The following IMMP2L variants were observed in gnomAD, a reference collection of about 807,000 sequenced individuals.
IMMP2L encodes the protein mitochondrial inner membrane protease subunit 2.
IMMP2L carries 18 observed loss-of-function variants against 19.3 expected under a neutral mutation model. The observed-to-expected ratio is 0.93, with a 90% CI of 0.64 to 1.38. The LOEUF (loss-of-function observed/expected upper bound fraction) is 1.38, where lower values mean the gene tolerates loss of function less well. Among genes scored for constraint, IMMP2L ranks in the 40% most tolerant of loss-of-function variants. The pLI, the probability that IMMP2L is intolerant of heterozygous loss-of-function variation, is 0.00. For missense variants in IMMP2L, 233 were observed against 218.2 expected (o/e 1.07, Z -0.43); for synonymous variants, 76 against 73.0 (o/e 1.04, Z -0.21).
intron 3 of IMMP2L, among the ~76,000 whole-genome samples, chr7:111,445,531 G>T (rs560943261): frequency 6.6e-6 from 1 of 152,046 alleles, no homozygotes; most frequent in Middle Eastern, 3.2e-3. Flanking sequence ...TGAGAATAAC[G>T]AAACTTTAAA....
At chr7:111,477,972 T>C (rs916695450) in intron 3 of IMMP2L, among the ~76,000 whole-genome samples, 2 of 152,268 alleles carry the variant, frequency 1.3e-5, no homozygotes, top group African/African-American at 2.4e-5. Flanking sequence ...TGTGCTTTCA[T>C]TGTATTTATT....
At chr7:111,253,212 T>C (rs1816336587) in intron 3 of IMMP2L, among the ~76,000 whole-genome samples, 1 of 152,164 alleles carries the variant, frequency 6.6e-6, no homozygotes, top group Non-Finnish European at 1.5e-5. Flanking sequence ...AAACACAAAC[T>C]ACTAAAACTT....
intron 3 of IMMP2L, among the ~76,000 whole-genome samples, chr7:111,034,009 A>G (rs1406334397): frequency 6.6e-6 from 1 of 152,238 alleles, no homozygotes; most frequent in Non-Finnish European, 1.5e-5. Flanking sequence ...TGGGAGAAGA[A>G]TAACTGCAAA....
At chr7:110,670,003 A>G (rs1317074577) in intron 5 of IMMP2L, among the ~76,000 whole-genome samples, 1 of 152,232 alleles carries the variant, frequency 6.6e-6, no homozygotes, top group East Asian at 1.9e-4. Context: ...TATGTGCTAA[A>G]TTGTGTTCCC....
rs370989208 is a variant in IMMP2L at position 110,877,153 on chromosome 7, G to A, written c.408+9440C>T. Among the ~76,000 whole-genome samples, 5 of 152,248 alleles carry A rather than the reference G, an allele frequency of 3.3e-5. No individual in the cohort carries two copies. The East Asian group carries it at 7.7e-4, about 24-fold the overall frequency. On this transcript the variant is annotated intron_variant, in intron 5 of 5. Coordinates refer to ENST00000405709, the MANE Select transcript of IMMP2L (RefSeq NM_032549.4). This position sits in a 1 kb window ranked among gnomAD's most constrained non-coding sequence, Gnocchi z 4.0. ...ACATAACTTCTTTTATACAGAAATA[G>A]GAATGGGCCAGATTTGGTTCAAGGG...
chr7:111,477,101 T>C (rs910971889), intron 3 of IMMP2L, among the ~76,000 whole-genome samples: 2 of 152,216 alleles, frequency 1.3e-5, no homozygotes, highest in Non-Finnish European at 1.5e-5. Flanking sequence ...CTTAAGGAAA[T>C]GTGACTGGTT....
intron 3 of IMMP2L, among the ~76,000 whole-genome samples, chr7:111,141,304 C>A (rs1288376840): frequency 6.6e-6 from 1 of 152,002 alleles, no homozygotes; most frequent in Non-Finnish European, 1.5e-5. Flanking sequence ...CTCCCTTAAA[C>A]CCCTCCACAT....
intron 5 of IMMP2L, among the ~76,000 whole-genome samples, chr7:110,750,756 T>G (rs778693680): frequency 2.6e-5 from 4 of 152,048 alleles, no homozygotes; most frequent in Non-Finnish European, 5.9e-5. Context: ...CAGGCCACAT[T>G]AATGATAGGG....
intron 3 of IMMP2L, among the ~76,000 whole-genome samples, chr7:111,119,531 G>T (rs1204282510): frequency 6.6e-6 from 1 of 152,124 alleles, no homozygotes; most frequent in Non-Finnish European, 1.5e-5. Context: ...ACATTCCTTT[G>T]TATTAGCCTG....
At chr7:110,834,359 A>AGTGTGTGTGT (rs59237816) in intron 5 of IMMP2L, among the ~76,000 whole-genome samples, 3 of 150,252 alleles carry the variant, frequency 2.0e-5, no homozygotes, top group Non-Finnish European at 4.4e-5. Context: ...CAAAGTTAAG[A>AGTGTGTGTGT]GTGTGTGTGT....
intron 3 of IMMP2L, among the ~76,000 whole-genome samples, chr7:111,147,085 T>C (rs1160352888): frequency 2.0e-5 from 3 of 152,178 alleles, no homozygotes; most frequent in African/African-American, 7.2e-5. Flanking sequence ...TCCTTTTTCT[T>C]AGATGCTAAT....
At chr7:111,402,570 G>A (rs1196215326) in intron 3 of IMMP2L, among the ~76,000 whole-genome samples, 4 of 151,936 alleles carry the variant, frequency 2.6e-5, no homozygotes. Flanking sequence ...AATTAGCCAG[G>A]CGCAGTAGCA....
At chr7:111,048,238 C>CAAAAAAAAAAAAAAAAAGAA (rs1792611918) in intron 3 of IMMP2L, among the ~76,000 whole-genome samples, 1 of 18,354 alleles carries the variant, frequency 5.4e-5, no homozygotes, top group Non-Finnish European at 1.4e-4. Flanking sequence ...GACTCTGTCT[C>CAAAAAAAAAAAAAAAAAGAA]AAAAAAAAAA....
In IMMP2L at chr7:110,959,355, G is replaced by C. The variant is rs568005387; in HGVS notation, c.305+4145C>G. 7.2e-5 allele frequency among the ~76,000 whole-genome samples: 11 copies of C among 152,010 alleles called. No homozygotes were observed. In the South Asian group the frequency reaches 1.9e-3, roughly 26 times the overall value. ...AAGTCAGGGGACCAGTAGACTAAGGGCTTCTAGTAGTTGACAGCATATTTT... is the reference window on the plus strand; with the variant it reads ...AAGTCAGGGGACCAGTAGACTAAGGCCTTCTAGTAGTTGACAGCATATTTT... On this transcript the variant is annotated intron_variant, in intron 4 of 5. Transcript: ENST00000405709.
chr7:111,421,362 C>T (rs1342656482), intron 3 of IMMP2L, among the ~76,000 whole-genome samples: 16 of 150,074 alleles, frequency 1.1e-4, no homozygotes, highest in African/African-American at 3.2e-4. Context: ...CTCCGCCTCC[C>T]GGGTTCACGC....
At chr7:110,843,056 A>G (rs892705022) in intron 5 of IMMP2L, among the ~76,000 whole-genome samples, 7 of 152,186 alleles carry the variant, frequency 4.6e-5, no homozygotes, top group African/African-American at 1.2e-4. Context: ...GGATTACTCA[A>G]GATAGTCTGT....
intron 2 of IMMP2L, among the ~76,000 whole-genome samples, chr7:111,489,585 G>A (rs1842931334): frequency 6.6e-6 from 1 of 152,146 alleles, no homozygotes; most frequent in African/African-American, 2.4e-5. Context: ...CGTGCCTTTT[G>A]TTAAAGATTC....
chr7:111,319,293 G>A (rs1319545746), intron 3 of IMMP2L, among the ~76,000 whole-genome samples: 1 of 152,054 alleles, frequency 6.6e-6, no homozygotes, highest in Non-Finnish European at 1.5e-5. Flanking sequence ...CATAGTTAAA[G>A]TCCTCATAAG....
rs2031892081 is a variant in IMMP2L, at chr7:110,877,760, T to G, written c.408+8833A>C. Among the ~76,000 whole-genome samples, 1 of 152,136 alleles carries G rather than the reference T, an allele frequency of 6.6e-6. No individual in the cohort carries two copies. The highest frequency in any genetic ancestry group is 6.6e-5 in the Admixed American group (1 of 15,248). ...AAAATTAAGTTTATTAAAGAACACA[T>G]GGGTCCCTATGCCAATCAAGATCTG... On this transcript the variant is annotated intron_variant, in intron 5 of 5. Transcript: ENST00000405709. This position sits in a 1 kb window ranked among gnomAD's most constrained non-coding sequence, Gnocchi z 4.0.
Sources: gnomAD v4.1 joint callset for allele counts (sites outside exome capture counted in the v4.1 genomes callset) on GRCh38, gnomAD v4.1.1 for gene constraint, Gnocchi (gnomAD v3.1) non-coding constraint, MANE v1.5 for transcripts, NCBI Gene and HGNC (gene_info 2026-07-23, HGNC 2026-07-21) for gene names.